Variants in OCA2 observed in about 807,000 individuals in gnomAD.
The protein encoded by OCA2 is P protein.
Under a neutral mutation model 100.2 loss-of-function variants are expected in OCA2, and 77 were observed. The observed-to-expected ratio is 0.77, with a 90% CI of 0.64 to 0.93. The LOEUF is 0.93. Ranked by LOEUF, OCA2 falls within the 40% of genes least tolerant of loss-of-function variation. The pLI, the probability that OCA2 is intolerant of heterozygous loss-of-function variation, is 0.00. For missense variants in OCA2, 1,062 were observed against 1,089.1 expected (o/e 0.98, Z 0.35); for synonymous variants, 432 against 439.2 (o/e 0.98, Z 0.21).
At chr15:27,885,212 A>G (rs2037176480) in intron 19 of OCA2, among the ~76,000 whole-genome samples, 1 of 152,220 alleles carries the variant, frequency 6.6e-6, no homozygotes, top group African/African-American at 2.4e-5. Flanking sequence ...CTGATTTAGG[A>G]TTTGGCAAGA....
chr15:28,055,733 T>A (rs537779488), intron 2 of OCA2, among the ~76,000 whole-genome samples: 7 of 152,354 alleles, frequency 4.6e-5, no homozygotes, highest in Admixed American at 4.6e-4. Flanking sequence ...CTCCCTCACC[T>A]GCAGCCTCCT....
intron 1 of OCA2, among the ~76,000 whole-genome samples, chr15:28,096,070 G>C (rs935953076): frequency 6.6e-6 from 1 of 152,032 alleles, no homozygotes; most frequent in Non-Finnish European, 1.5e-5. Flanking sequence ...TTCTCTCCGG[G>C]GGCCTGGCTG....
chr15:27,967,973 A>T (rs1444022625), intron 14 of OCA2, among the ~76,000 whole-genome samples: 3 of 152,150 alleles, frequency 2.0e-5, no homozygotes, highest in Non-Finnish European at 4.4e-5. Flanking sequence ...GGAATAAGTC[A>T]GCAGCGTCAT....
intron 2 of OCA2, among the ~76,000 whole-genome samples, chr15:28,065,892 GT>G (rs539120423): frequency 1.2e-4 from 18 of 151,972 alleles, no homozygotes; most frequent in Non-Finnish European, 2.2e-4. Context: ...TTGTGAAACA[GT>G]TTTCTTAATT....
chr15:27,936,230 TTGTGGGGAG>T (rs2039445842), intron 18 of OCA2, among the ~76,000 whole-genome samples: 1 of 151,878 alleles, frequency 6.6e-6, no homozygotes, highest in African/African-American at 2.4e-5. Context: ...CAGTGCTTCC[TTGTGGGGAG>T]CACCCACTCC....
chr15:27,806,710 G>C (rs2033867258), intron 23 of OCA2, among the ~76,000 whole-genome samples: 1 of 152,266 alleles, frequency 6.6e-6, no homozygotes. Flanking sequence ...GTGTCAAAAA[G>C]GCTGCCCTGT....
intron 14 of OCA2, among the ~76,000 whole-genome samples, chr15:27,967,043 T>C (rs755008519): frequency 6.6e-6 from 1 of 151,712 alleles, no homozygotes; most frequent in Non-Finnish European, 1.5e-5. Flanking sequence ...GGCAGGAGAA[T>C]GGCGTGAACC....
chr15:27,722,720 CTTT>C, the OCA2 span, among the ~76,000 whole-genome samples: 3 of 90,512 alleles, frequency 3.3e-5, no homozygotes, highest in Non-Finnish European at 7.6e-5. Flanking sequence ...TTCTTTCTCT[CTTT>C]CTTCTTTCTT....
chr15:27,925,992 T>A lies in OCA2; in HGVS notation c.2079+135A>T, dbSNP rs182680143. On this transcript the variant is annotated intron_variant, in intron 19 of 23. Coordinates refer to ENST00000354638, the MANE Select transcript of OCA2 (RefSeq NM_000275.3). ...AGCTGGTTAACTTAAAATAGTCCAATTACAACCTTCATTGTTTTCCACTTA... is the reference window on the plus strand; with the variant it reads ...AGCTGGTTAACTTAAAATAGTCCAAATACAACCTTCATTGTTTTCCACTTA... 268 of 1,058,456 alleles carry A rather than the reference T, an allele frequency of 2.5e-4. 4 individuals carry two copies. The African/African-American group carries it at 3.5e-3, about 14-fold the overall frequency. The allele number at this position is 1,058,456 out of a possible 1,614,324, so 65.6% of individuals were successfully genotyped here.
chr15:27,887,435 C>A (rs754789200), intron 19 of OCA2, among the ~76,000 whole-genome samples: 1 of 149,284 alleles, frequency 6.7e-6, no homozygotes, highest in African/African-American at 2.5e-5. Flanking sequence ...TAATAAAAGC[C>A]CTGCCAGCAA....
At chr15:27,730,675 C>T in the OCA2 span, among the ~76,000 whole-genome samples, 1,774 of 148,064 alleles carry the variant, frequency 0.012, 20 homozygotes, top group Middle Eastern at 0.026. Flanking sequence ...ACTGTTAACA[C>T]TCTCCAGATT....
rs994061524 is a variant in OCA2, at chr15:28,043,012, CTGTT to C, written c.228-10853_228-10850del. 5.3e-5 allele frequency among the ~76,000 whole-genome samples: 8 copies of C among 152,282 alleles called. No individual in the cohort carries two copies. Among genetic ancestry groups the C allele is most frequent in the Non-Finnish European group, 1.0e-4 (7 of 68,014 alleles). On this transcript the variant is annotated intron_variant, in intron 2 of 23. Transcript: ENST00000354638. The surrounding 1 kb of genome is among the most constrained non-coding windows in gnomAD (Gnocchi z 4.4). Reference sequence around the variant, plus strand: ...ATATTTTTAAGAGAATGTCTACAAACTGTTTTTAAAATGCTTCCAGACAATTTGT... The same window carrying C: ...ATATTTTTAAGAGAATGTCTACAAACTTTAAAATGCTTCCAGACAATTTGT...
chr15:27,919,292 T>A (rs1595646064), intron 19 of OCA2, among the ~76,000 whole-genome samples: 1 of 152,298 alleles, frequency 6.6e-6, no homozygotes, highest in East Asian at 1.9e-4. Flanking sequence ...ATTTGAAGAC[T>A]TAGGTCCACA....
chr15:28,085,779 A>G (rs942450822), intron 1 of OCA2, among the ~76,000 whole-genome samples: 10 of 152,108 alleles, frequency 6.6e-5, no homozygotes, highest in African/African-American at 2.2e-4. Context: ...TCAGGAAGAC[A>G]GAGAAGACCT....
the OCA2 span, among the ~76,000 whole-genome samples, chr15:27,733,401 T>G: frequency 7.0e-4 from 106 of 152,276 alleles, no homozygotes; most frequent in African/African-American, 2.3e-3. Flanking sequence ...CACTGGTACC[T>G]CCTGAACATC....
chr15:27,997,214 AAGGAAAGAAAGAAAGGAAGGAAGG>A (rs952739290), intron 9 of OCA2, among the ~76,000 whole-genome samples: 2 of 135,854 alleles, frequency 1.5e-5, no homozygotes, highest in African/African-American at 2.5e-5. Context: ...ATATAAAGGA[AAGGAAAGAAAGAAAGGAAGGAAGG>A]AGGAAAGAAA....
chr15:27,894,680 C>T (rs1186922765), intron 19 of OCA2, among the ~76,000 whole-genome samples: 4 of 152,216 alleles, frequency 2.6e-5, no homozygotes, highest in African/African-American at 7.2e-5. Context: ...ATTGACTCTG[C>T]ACCTTGAAGA....
chr15:27,908,287 C>T (rs1223976950), intron 19 of OCA2, among the ~76,000 whole-genome samples: 1 of 152,064 alleles, frequency 6.6e-6, no homozygotes, highest in Non-Finnish European at 1.5e-5. Flanking sequence ...ATATGATGAT[C>T]TCCATAAATA....
intron 23 of OCA2, among the ~76,000 whole-genome samples, chr15:27,792,667 C>G (rs185099617): frequency 6.6e-6 from 1 of 152,174 alleles, no homozygotes; most frequent in Non-Finnish European, 1.5e-5. Flanking sequence ...CCAGCATTCC[C>G]GGGTGTACCT....
Sources: gnomAD v4.1 joint callset for allele counts (sites outside exome capture counted in the v4.1 genomes callset) on GRCh38, gnomAD v4.1.1 for gene constraint, Gnocchi (gnomAD v3.1) non-coding constraint, MANE v1.5 for transcripts, NCBI Gene and HGNC (gene_info 2026-07-23, HGNC 2026-07-21) for gene names.